ACSS1: variants seen among roughly 807,000 people sequenced by gnomAD.
ACSS1 encodes acyl-CoA synthetase short chain family member 1.
In ACSS1, 42 loss-of-function variants were observed where a neutral mutation model predicts 75.3. The ratio of observed to expected loss-of-function variants is 0.56; its 90% CI spans 0.44 to 0.72. The LOEUF is 0.72. Ranked by LOEUF, ACSS1 falls within the 30% of genes least tolerant of loss-of-function variation. The pLI is 0.00. For missense variants in ACSS1, 782 were observed against 935.7 expected, an observed-to-expected ratio of 0.84 and a Z score of 2.14; for synonymous variants, 380 against 376.8, an observed-to-expected ratio of 1.01 and a Z score of -0.10.
At chr20:25,012,689 G>A (rs1416939558) in intron 11 of ACSS1, 25 bp from the exon 12 acceptor site, 1 of 1,614,002 alleles carries the variant, frequency 6.2e-7, no homozygotes, top group African/African-American at 1.3e-5. Context: ...GAACAAAAGG[G>A]CAAAATGTGG....
chr20:25,008,196 G>A lies in ACSS1; in HGVS notation c.1891-255C>T, dbSNP rs559938692. Among the ~76,000 whole-genome samples the A allele has an allele frequency of 2.2e-4, 33 of 152,322 alleles. No homozygotes were observed. In the South Asian group the frequency reaches 3.7e-3, roughly 17 times the overall value. On this transcript the variant is annotated intron_variant, in intron 13 of 13. Transcript: ENST00000323482. ...GGTCCACCCAGGCCGGGTTCACCCC[G>A]TACTGCCGTCCGTCTGTCCTGCCAC...
At chr20:25,032,792 A>G (rs933817416) in intron 2 of ACSS1, 1 of 779,332 alleles carries the variant, frequency 1.3e-6, no homozygotes, top group East Asian at 1.0e-4. Context: ...CAGGGGCCTC[A>G]AGGAGGCCTT....
intron 5 of ACSS1, 104 bp downstream of exon 5, chr20:25,022,836 G>A (rs1440376310): frequency 7.1e-7 from 1 of 1,403,550 alleles, no homozygotes; most frequent in African/African-American, 1.4e-5. Flanking sequence ...AAGAAACACT[G>A]ACCTCTCACA....
intron 2 of ACSS1, among the ~76,000 whole-genome samples, chr20:25,042,858 G>T (rs2089026105): frequency 6.6e-6 from 1 of 152,238 alleles, no homozygotes; most frequent in African/African-American, 2.4e-5. Context: ...AGCTGAAACG[G>T]ACCCTCATCC....
At chr20:25,024,575 C>G (rs2088682601) in intron 3 of ACSS1, among the ~76,000 whole-genome samples, 1 of 152,226 alleles carries the variant, frequency 6.6e-6, no homozygotes, top group Admixed American at 6.5e-5. Flanking sequence ...AACCCTCGAC[C>G]AATGGCTCTC....
chr20:25,057,082 C>T (rs1026884749), intron 1 of ACSS1, among the ~76,000 whole-genome samples: 2 of 152,234 alleles, frequency 1.3e-5, no homozygotes, highest in Non-Finnish European at 2.9e-5. Flanking sequence ...CGACGTCAGA[C>T]CCCGCGGGTC....
Position 25,007,906 on chromosome 20 carries a change from C to G in ACSS1, c.1926G>C (p.Lys642Asn), listed in dbSNP as rs779045262. The part of the protein sequence containing the change: ...VKRLPKTRSG[K>N]VMRRLLRKII... Reference sequence around the variant, plus strand: ...TCTTCCTCAGGAGCCGCCGCATGACCTTCCCAGACCTGGTTTTTGGAAGAC... The same window carrying G: ...TCTTCCTCAGGAGCCGCCGCATGACGTTCCCAGACCTGGTTTTTGGAAGAC... Residue 642 changes from lysine to asparagine, a missense_variant, in exon 14 of 14, where the codon AAG becomes AAC. Transcript: ENST00000323482. 5.6e-6 allele frequency: 9 copies of G among 1,614,098 alleles called. No homozygotes were observed. The highest frequency in any genetic ancestry group is 1.7e-5 in the Admixed American group (1 of 60,016).
chr20:25,043,749 C>T (rs2089041706), intron 2 of ACSS1, among the ~76,000 whole-genome samples: 1 of 152,218 alleles, frequency 6.6e-6, no homozygotes, highest in Non-Finnish European at 1.5e-5. Context: ...TGTGCTTCCT[C>T]ACAGACTCGG....
At chr20:25,024,660 G>T (rs574050209) in intron 3 of ACSS1, among the ~76,000 whole-genome samples, 1 of 152,146 alleles carries the variant, frequency 6.6e-6, no homozygotes. Context: ...CCACATTCCC[G>T]TCCAGAGCCA....
intron 1 of ACSS1, among the ~76,000 whole-genome samples, chr20:25,051,361 G>A (rs569844927): frequency 1.3e-5 from 2 of 152,358 alleles, no homozygotes; most frequent in South Asian, 4.1e-4. Context: ...GTCATATTGA[G>A]GTGTAACTGG....
intron 3 of ACSS1, among the ~76,000 whole-genome samples, chr20:25,025,753 C>T (rs748359389): frequency 2.6e-5 from 4 of 152,172 alleles, no homozygotes; most frequent in Admixed American, 6.5e-5. Context: ...TGCCCTGGTT[C>T]GTGGCCCTGT....
chr20:25,052,746 G>A (rs2089191638), intron 1 of ACSS1, among the ~76,000 whole-genome samples: 1 of 152,274 alleles, frequency 6.6e-6, no homozygotes, highest in Admixed American at 6.5e-5. Flanking sequence ...GATGCGACAA[G>A]CCATGCGGAG....
At chr20:25,022,118 A>G (rs2048451980) in intron 5 of ACSS1, among the ~76,000 whole-genome samples, 1 of 152,210 alleles carries the variant, frequency 6.6e-6, no homozygotes, top group African/African-American at 2.4e-5. Context: ...GCACTTGGAG[A>G]GGCCAAGGCG....
rs767635662 is a variant in ACSS1, at chr20:25,023,072, A to G, written c.828T>C (p.Pro276=). 1.2e-6 allele frequency: 2 copies of G among 1,613,284 alleles called. No individual in the cohort carries two copies. Among genetic ancestry groups the G allele is most frequent in the South Asian group, 2.2e-5 (2 of 91,020 alleles). Residue 276 remains proline, a synonymous_variant, in exon 5 of 14, where the codon CCT becomes CCC. Transcript: ENST00000323482. ...TGCCCATGCTCTCTGGGGCGCAAAC[A>G]GGGTCCTCCTTGGCCATTTCCTGGC... ...PLEQEMAKED[P]VCAPESMGSE... is the part of the protein sequence containing the mutation.
intron 12 of ACSS1, 184 bp downstream of exon 12, chr20:25,012,417 G>T: frequency 1.4e-6 from 1 of 704,136 alleles, no homozygotes; most frequent in South Asian, 1.8e-5. Context: ...TCAGAAACCC[G>T]ACCGAACACG....
In ACSS1 at chr20:25,023,095, G is replaced by A; in HGVS notation, c.808-3C>T. On this transcript the variant is annotated splice_region_variant and splice_polypyrimidine_tract_variant and intron_variant, in intron 4 of 13. Coordinates refer to ENST00000323482, the MANE Select transcript of ACSS1 (RefSeq NM_032501.4). Reference sequence around the variant, plus strand: ...ACAGGGTCCTCCTTGGCCATTTCCTGGCAGGGAGAAGAAACAAACAGCCCA... The same window carrying A: ...ACAGGGTCCTCCTTGGCCATTTCCTAGCAGGGAGAAGAAACAAACAGCCCA... 6.2e-7 allele frequency: 1 copy of A among 1,609,860 alleles called. No individual in the cohort carries two copies.
intron 13 of ACSS1, 93 bp from the exon 14 acceptor site, chr20:25,008,034 G>C (rs1259128282): frequency 2.5e-5 from 36 of 1,455,380 alleles, no homozygotes; most frequent in Non-Finnish European, 3.1e-5. Context: ...CTCTGCTCAG[G>C]GGGGATGCCC....
Position 25,046,919 on chromosome 20 carries a change from G to A in ACSS1, c.431+1166C>T, listed in dbSNP as rs557577791. ...TGTATAGGCTGTGAGTCTGGCTGGT[G>A]GGGGAGACGGGTCAGCAAAGGAGCC... On this transcript the variant is annotated intron_variant, in intron 2 of 13. Transcript: ENST00000323482. 5 of 779,414 alleles carry A rather than the reference G, an allele frequency of 6.4e-6. No homozygotes were observed. The East Asian group carries it at 1.2e-4, about 19-fold the overall frequency. The allele number at this position is 779,414 out of a possible 1,614,324, so 48.3% of individuals were successfully genotyped here.
At chr20:25,011,528 CA>C (rs2088409168) in intron 12 of ACSS1, 1 of 152,322 alleles carries the variant, frequency 6.6e-6, no homozygotes, top group Admixed American at 6.5e-5. Flanking sequence ...GAGGTAACCT[CA>C]GGGGGGCACT....
Sources: gnomAD v4.1 joint callset for allele counts (sites outside exome capture counted in the v4.1 genomes callset) on GRCh38, gnomAD v4.1.1 for gene constraint, MANE v1.5 for transcripts, NCBI Gene and HGNC (gene_info 2026-07-23, HGNC 2026-07-21) for gene names.